The following SHOC1 variants were observed in gnomAD, a reference collection of about 807,000 sequenced individuals.
SHOC1 encodes the protein shortage in chiasmata 1.
In SHOC1, 136 loss-of-function variants were observed where a neutral mutation model predicts 179.2. The observed-to-expected ratio is 0.76, with a 90% CI of 0.66 to 0.87. The LOEUF (loss-of-function observed/expected upper bound fraction) is 0.87. Ranked by LOEUF, SHOC1 falls within the 40% of genes least tolerant of loss-of-function variation. The probability of loss-of-function intolerance (pLI) is 0.00; values close to 1 mark genes in which losing one functional copy is unlikely to be tolerated. For missense variants in SHOC1, 1,538 were observed against 1,700.8 expected, an observed-to-expected ratio of 0.90 and a Z score of 1.68; for synonymous variants, 489 against 586.6, an observed-to-expected ratio of 0.83 and a Z score of 2.41.
At chr9:111,736,746 AG>A (rs948197150) in intron 12 of SHOC1, among the ~76,000 whole-genome samples, 36 of 152,216 alleles carry the variant, frequency 2.4e-4, no homozygotes, top group African/African-American at 8.0e-4. Context: ...GCTTCTGCAC[AG>A]CAAAAGAAAC....
At chr9:111,697,865 T>C (rs1831776695) in intron 24 of SHOC1, among the ~76,000 whole-genome samples, 1 of 152,108 alleles carries the variant, frequency 6.6e-6, no homozygotes, top group Admixed American at 6.6e-5. Context: ...TGTTTCCTGA[T>C]TTTTAATGAT....
At position 111,740,274 on chromosome 9, in the gene SHOC1, C is replaced by T. The variant is rs373675855; in HGVS notation, c.1174+1202G>A. On this transcript the variant is annotated intron_variant, in intron 11 of 27. Transcript: ENST00000682961. ...TATTTCTTGACTCTACACTACATGT[C>T]GACCTCAAAACAGAAGTTCAAAGTC... is the stretch of plus-strand genomic sequence containing the variant. Among the ~76,000 whole-genome samples the T allele has an allele frequency of 2.2e-4, 33 of 152,266 alleles. No individual in the cohort carries two copies. The South Asian group carries it at 3.9e-3, about 18-fold the overall frequency.
chr9:111,757,968 A>G lies in SHOC1; in HGVS notation c.708+116T>C, dbSNP rs1834945580. ...TTGACTTCTTAATTGATACATGTTCATTCCATTATAAAATCTTTTTAATTT... is the reference window on the plus strand; with the variant it reads ...TTGACTTCTTAATTGATACATGTTCGTTCCATTATAAAATCTTTTTAATTT... On this transcript the variant is annotated intron_variant, in intron 7 of 27. Coordinates refer to ENST00000682961, the MANE Select transcript of SHOC1 (RefSeq NM_001378211.1). 5.2e-6 allele frequency: 3 copies of G among 574,974 alleles called. No homozygotes were observed. In the South Asian group the frequency reaches 7.7e-5, roughly 15 times the overall value. The allele number at this position is 574,974 out of a possible 1,614,324, so 35.6% of individuals were successfully genotyped here. A position where few individuals can be genotyped will look rare whatever the true frequency, so the allele number is the denominator to read the frequency against.
chr9:111,758,986 T>C, intron 5 of SHOC1, 138 bp from the exon 6 acceptor site: 2 of 869,604 alleles, frequency 2.3e-6, no homozygotes, highest in South Asian at 1.8e-5. Flanking sequence ...CTCTTCATTG[T>C]ACTGTGCATA....
At chr9:111,781,156 C>A in intron 3 of SHOC1, 139 bp from the exon 4 acceptor site, 1 of 635,666 alleles carries the variant, frequency 1.6e-6, no homozygotes, top group East Asian at 2.9e-5. Flanking sequence ...ATACCTGATT[C>A]CAAATATTTG....
intron 5 of SHOC1, among the ~76,000 whole-genome samples, chr9:111,769,996 T>TTTTTTTTTTTTTTC (rs1835531049): frequency 6.8e-6 from 1 of 146,750 alleles, no homozygotes; most frequent in Non-Finnish European, 1.5e-5. Context: ...GTTTTTTTTT[T>TTTTTTTTTTTTTTC]TTTTTTTTTT....
At chr9:111,753,588 A>G (rs892459871) in intron 8 of SHOC1, among the ~76,000 whole-genome samples, 1 of 152,222 alleles carries the variant, frequency 6.6e-6, no homozygotes, top group South Asian at 2.1e-4. Context: ...ATCTGACGGC[A>G]TATTACAAGG....
At chr9:111,688,024 AAT>A (rs1417466515) in intron 27 of SHOC1, among the ~76,000 whole-genome samples, 1 of 152,166 alleles carries the variant, frequency 6.6e-6, no homozygotes. Flanking sequence ...AAATACAGGG[AAT>A]ATTAATGACG....
At chr9:111,782,714 T>TAAAAAA (rs36046676) in intron 3 of SHOC1, among the ~76,000 whole-genome samples, 301 of 147,112 alleles carry the variant, frequency 2.0e-3, no homozygotes, top group Middle Eastern at 6.9e-3. Flanking sequence ...AGATGAGGTC[T>TAAAAAA]AAAAAAAAAA....
chr9:111,790,109 A>C (rs1444624336), intron 2 of SHOC1, among the ~76,000 whole-genome samples: 1 of 152,234 alleles, frequency 6.6e-6, no homozygotes, highest in Admixed American at 6.5e-5. Flanking sequence ...TAGCTCTGAC[A>C]ATTATAAAAG....
At position 111,691,922 on chromosome 9, in the gene SHOC1, G is replaced by A. The variant is rs759350717; in HGVS notation, c.4055C>T (p.Thr1352Ile). The A allele has an allele frequency of 6.2e-7, 1 of 1,613,744 alleles. No individual in the cohort carries two copies. Among genetic ancestry groups the A allele is most frequent in the African/African-American group, 1.3e-5 (1 of 74,892 alleles). ...AAAGTTCCAATGAAGAGGAGATTGA[G>A]TGCCCTCTAGTGAAAAGATAGGGTC... ...VSDPIFSLEG[T>I]QSPLHWNFKK... Residue 1352 changes from threonine to isoleucine, a missense_variant, in exon 27 of 28, where the codon ACT becomes ATT. Thr to Ile is a moderately conservative substitution (Grantham distance 89). Coordinates refer to ENST00000682961, the MANE Select transcript of SHOC1 (RefSeq NM_001378211.1).
intron 2 of SHOC1, among the ~76,000 whole-genome samples, chr9:111,788,793 C>A (rs1193404732): frequency 6.6e-6 from 1 of 152,140 alleles, no homozygotes; most frequent in East Asian, 1.9e-4. Context: ...GGAACTGTTT[C>A]TTTAAAGGAA....
intron 18 of SHOC1, 43 bp downstream of exon 18, chr9:111,713,057 C>T (rs1203076927): frequency 1.7e-6 from 2 of 1,193,830 alleles, no homozygotes; most frequent in Non-Finnish European, 1.2e-6. Context: ...TTTATAAGTT[C>T]AAGCATTTGT....
Position 111,719,053 on chromosome 9 carries a change from T to C in SHOC1, c.2132-765A>G, listed in dbSNP as rs565776158. Among the ~76,000 whole-genome samples the C allele has an allele frequency of 1.1e-3, 162 of 152,238 alleles. 1 individual carries two copies. The highest frequency in any genetic ancestry group is 0.01 in the Middle Eastern group (3 of 294). ...TATTCAATGAAGATCAAGGCAAATA[T>C]GTAGTAGGGAATTAAGAGGGAAAGC... On this transcript the variant is annotated intron_variant, in intron 15 of 27. Coordinates refer to ENST00000682961, the MANE Select transcript of SHOC1 (RefSeq NM_001378211.1).
At position 111,783,383 on chromosome 9, in the gene SHOC1, C is replaced by T. The variant is rs147990923; in HGVS notation, c.170-2366G>A. On this transcript the variant is annotated intron_variant, in intron 3 of 27. Transcript: ENST00000682961. ...CCACTCTTATCAAAGTCATCAATGA[C>T]CTACATTTAGTCAAGCTAATGGTCA... The T allele has an allele frequency of 3.3e-5, 5 of 152,334 alleles. No individual in the cohort carries two copies. The East Asian group carries it at 9.6e-4, about 29-fold the overall frequency. The allele number at this position is 152,334 out of a possible 1,614,324, so 9.4% of individuals were successfully genotyped here.
intron 4 of SHOC1, among the ~76,000 whole-genome samples, chr9:111,776,530 C>A (rs570436979): frequency 2.0e-5 from 3 of 152,176 alleles, no homozygotes; most frequent in Non-Finnish European, 4.4e-5. Flanking sequence ...ATTACCCAGC[C>A]TTTTATGTTC....
Position 111,694,237 on chromosome 9 carries a change from T to G in SHOC1, c.3309A>C (p.Pro1103=). ...ACACATTTAGAAAATATACCTCAGA[T>G]GGTGAAACTTTAAGCCAGGATTTAT... ...WLDKSWLKVS[P]SEEEMYLLDF... is the part of the protein sequence containing the mutation. The change falls in exon 25 of 28, where the codon CCA becomes CCC. Residue 1103 remains proline, a synonymous_variant. Coordinates refer to ENST00000682961, the MANE Select transcript of SHOC1 (RefSeq NM_001378211.1). The G allele has an allele frequency of 6.2e-7, 1 of 1,606,092 alleles. No individual in the cohort carries two copies. The highest frequency in any genetic ancestry group is 1.1e-5 in the South Asian group (1 of 89,554).
chr9:111,717,182 C>T (rs1001163240), intron 16 of SHOC1, among the ~76,000 whole-genome samples: 3 of 152,118 alleles, frequency 2.0e-5, no homozygotes, highest in African/African-American at 7.2e-5. Context: ...ATGTCTGGAT[C>T]ATAAATAAGA....
intron 10 of SHOC1, 93 bp downstream of exon 10, chr9:111,746,141 G>A (rs781422626): frequency 5.6e-6 from 4 of 715,284 alleles, no homozygotes; most frequent in East Asian, 2.7e-5. Flanking sequence ...TTTTCATAGA[G>A]GTATCTTGGA....
Sources: allele counts gnomAD v4.1 joint callset (sites outside exome capture counted in the v4.1 genomes callset), GRCh38; gene constraint gnomAD v4.1.1; transcripts MANE v1.5; gene names NCBI Gene and HGNC (gene_info 2026-07-23, HGNC 2026-07-21).